L3MBTL4: variants seen among roughly 807,000 people sequenced by gnomAD.
The protein encoded by L3MBTL4 is lethal(3)malignant brain tumor-like protein 4.
L3MBTL4 carries 70 observed loss-of-function variants against 84.5 expected under a neutral mutation model. The observed-to-expected ratio is 0.83, with a 90% confidence interval of 0.68 to 1.01. The LOEUF (loss-of-function observed/expected upper bound fraction) is 1.01, where lower values mean the gene tolerates loss of function less well. L3MBTL4 is among the 50% of genes least tolerant of loss of function. L3MBTL4 has a pLI of 0.00. For missense variants in L3MBTL4, 715 were observed against 754.8 expected (o/e 0.95, Z 0.62); for synonymous variants, 274 against 259.8 (o/e 1.05, Z -0.52).
chr18:6,211,166 T>C (rs2046089007), intron 12 of L3MBTL4, among the ~76,000 whole-genome samples: 1 of 152,218 alleles, frequency 6.6e-6, no homozygotes, highest in South Asian at 2.1e-4. Flanking sequence ...GAGGGCATTT[T>C]CCAATAATTA....
chr18:6,138,293 G>A lies in L3MBTL4; in HGVS notation c.1100C>T (p.Thr367Met), dbSNP rs758794589. ...ACCTGGAAGGATCTTCAGGTCATTC[G>A]TTCCTTCAGGAAGTAAAAGAACATG... ...TGHPLEVPQR[T>M]NDLKILPGQA... The change falls in exon 14 of 19, where the codon ACG becomes ATG. Residue 367 changes from threonine (T) to methionine (M), a missense_variant. By Grantham distance (81) the Thr-to-Met change is moderately conservative. Transcript: ENST00000317931. 21 of 1,604,500 alleles carry A rather than the reference G, an allele frequency of 1.3e-5. No homozygotes were observed. The African/African-American group carries it at 1.6e-4, about 12-fold the overall frequency.
chr18:6,032,863 G>A (rs2055903698), intron 16 of L3MBTL4, among the ~76,000 whole-genome samples: 2 of 152,292 alleles, frequency 1.3e-5, no homozygotes, highest in Middle Eastern at 3.4e-3. Flanking sequence ...TGTAGCATAT[G>A]TGCAAATTGC....
chr18:6,335,772 C>T (rs2052304546), intron 1 of L3MBTL4, among the ~76,000 whole-genome samples: 3 of 152,188 alleles, frequency 2.0e-5, no homozygotes, highest in African/African-American at 7.2e-5. Context: ...CACACACTCC[C>T]ACTCTCTTCT....
At chr18:6,213,374 A>G (rs1188072271) in intron 11 of L3MBTL4, 115 bp from the exon 12 acceptor site, 1 of 577,482 alleles carries the variant, frequency 1.7e-6, no homozygotes, top group African/African-American at 1.9e-5. Flanking sequence ...CTTCAATACA[A>G]CTGGAATTTA....
intron 16 of L3MBTL4, among the ~76,000 whole-genome samples, chr18:6,002,789 C>T (rs901694510): frequency 2.0e-5 from 3 of 151,772 alleles, no homozygotes; most frequent in African/African-American, 7.3e-5. Context: ...GCTAGAAATC[C>T]TATATGGTAT....
Position 6,191,540 on chromosome 18 carries a change from C to T in L3MBTL4, c.982-19598G>A, listed in dbSNP as rs80139352. 6.1e-3 allele frequency among the ~76,000 whole-genome samples: 925 copies of T among 152,240 alleles called. 12 individuals are homozygous for T. The highest frequency in any genetic ancestry group is 0.019 in the African/African-American group (790 of 41,548). On this transcript the variant is annotated intron_variant, in intron 12 of 18. Transcript: ENST00000317931. ...ATTGAGATATCTATTCGACATAAAACGGACAAGTCGAGTAGGTAGACTGAT... is the reference window on the plus strand; with the variant it reads ...ATTGAGATATCTATTCGACATAAAATGGACAAGTCGAGTAGGTAGACTGAT...
At chr18:6,293,206 C>T (rs7241182) in intron 4 of L3MBTL4, among the ~76,000 whole-genome samples, 28,688 of 152,014 alleles carry the variant, frequency 0.19, 2,832 homozygotes, top group African/African-American at 0.24. Flanking sequence ...TTAGCTCTGT[C>T]CACTGAGAGG....
Position 6,001,333 on chromosome 18 carries a change from A to G in L3MBTL4, c.1445-31771T>C, listed in dbSNP as rs114032475. On this transcript the variant is annotated intron_variant, in intron 16 of 18. Transcript: ENST00000317931. ...GATTAGCACATTTAAAAGCAATAAC[A>G]TATACAAGGGAATTTAGTAAGTCAC... 3.3e-3 allele frequency among the ~76,000 whole-genome samples: 503 copies of G among 152,354 alleles called. 5 individuals carry two copies. The highest frequency in any genetic ancestry group is 0.012 in the African/African-American group (490 of 41,594).
At chr18:6,177,843 G>A (rs1016866186) in intron 12 of L3MBTL4, among the ~76,000 whole-genome samples, 5 of 152,186 alleles carry the variant, frequency 3.3e-5, no homozygotes, top group Non-Finnish European at 7.3e-5. Context: ...ATAGGAAGAA[G>A]TTTGTGTAAG....
At chr18:5,977,358 C>T (rs111534677) in intron 16 of L3MBTL4, among the ~76,000 whole-genome samples, 3,716 of 152,290 alleles carry the variant, frequency 0.024, 61 homozygotes, top group Non-Finnish European at 0.041. Flanking sequence ...TCTCTGTCTC[C>T]TTCCTTGGTT....
intron 4 of L3MBTL4, among the ~76,000 whole-genome samples, chr18:6,281,147 A>C (rs936222015): frequency 6.6e-6 from 1 of 152,062 alleles, no homozygotes; most frequent in Non-Finnish European, 1.5e-5. Flanking sequence ...AAAATTGACA[A>C]AATAGTCATA....
At chr18:6,176,184 T>C (rs770741226) in intron 12 of L3MBTL4, among the ~76,000 whole-genome samples, 1 of 152,168 alleles carries the variant, frequency 6.6e-6, no homozygotes, top group Non-Finnish European at 1.5e-5. Context: ...CCTTTTGTTT[T>C]GTATCATTTG....
At chr18:5,968,155 G>T (rs940380719) in intron 17 of L3MBTL4, among the ~76,000 whole-genome samples, 1 of 152,244 alleles carries the variant, frequency 6.6e-6, no homozygotes, top group Non-Finnish European at 1.5e-5. Flanking sequence ...TAAGCTGACT[G>T]AAGTAAGTGC....
intron 16 of L3MBTL4, among the ~76,000 whole-genome samples, chr18:5,978,366 G>A (rs564123154): frequency 1.3e-5 from 2 of 152,186 alleles, no homozygotes; most frequent in South Asian, 4.1e-4. Flanking sequence ...TTTTTTGATG[G>A]CTAGAGAGCA....
intron 7 of L3MBTL4, 139 bp downstream of exon 7, chr18:6,243,155 T>C (rs2047520484): frequency 3.1e-6 from 2 of 653,368 alleles, no homozygotes; most frequent in Non-Finnish European, 4.7e-6. Context: ...ATAGTCTTAC[T>C]ACTCTTTATG....
chr18:6,238,532 CA>C (rs931940343), intron 9 of L3MBTL4, among the ~76,000 whole-genome samples: 53 of 142,412 alleles, frequency 3.7e-4, no homozygotes, highest in African/African-American at 1.1e-3. Context: ...GATTCCATCT[CA>C]AAAAAAAAAA....
At chr18:6,189,862 A>T (rs1452778133) in intron 12 of L3MBTL4, among the ~76,000 whole-genome samples, 1 of 152,198 alleles carries the variant, frequency 6.6e-6, no homozygotes, top group Admixed American at 6.5e-5. Flanking sequence ...GTAAAAGTAG[A>T]AGAGTTCATG....
intron 1 of L3MBTL4, among the ~76,000 whole-genome samples, chr18:6,317,519 G>A (rs905939952): frequency 6.6e-6 from 1 of 152,062 alleles, no homozygotes. Context: ...AGAGCTCGAA[G>A]ATAAGGCTTT....
intron 16 of L3MBTL4, among the ~76,000 whole-genome samples, chr18:6,044,226 A>G (rs2056521263): frequency 6.6e-6 from 1 of 152,222 alleles, no homozygotes; most frequent in South Asian, 2.1e-4. Flanking sequence ...TGCTTTAAGA[A>G]TAATCTGTAT....
Sources: gnomAD v4.1 joint callset for allele counts (sites outside exome capture counted in the v4.1 genomes callset) on GRCh38, gnomAD v4.1.1 for gene constraint, MANE v1.5 for transcripts, NCBI Gene and HGNC (gene_info 2026-07-23, HGNC 2026-07-21) for gene names.